EMX1: variants seen among roughly 807,000 people sequenced by gnomAD.
EMX1 encodes the protein homeobox protein EMX1.
In EMX1, 10 loss-of-function variants were observed where a neutral mutation model predicts 20.1. The ratio of observed to expected loss-of-function variants is 0.50; its 90% CI spans 0.31 to 0.84. The LOEUF (loss-of-function observed/expected upper bound fraction) is 0.84, where lower values mean the gene tolerates loss of function less well. Among genes scored for constraint, EMX1 ranks in the 40% least tolerant of loss-of-function variants. The pLI, the probability that EMX1 is intolerant of heterozygous loss-of-function variation, is 0.05. For missense variants in EMX1, 424 were observed against 431.9 expected (o/e 0.98, Z 0.16); for synonymous variants, 250 against 200.4 (o/e 1.25, Z -2.09).
At chr2:72,929,717 A>T (rs1017880741) in intron 2 of EMX1, among the ~76,000 whole-genome samples, 13 of 152,268 alleles carry the variant, frequency 8.5e-5, no homozygotes, top group Non-Finnish European at 1.3e-4. Flanking sequence ...ATAGCAGATT[A>T]TTCCAAAGTA....
intron 2 of EMX1, chr2:72,926,279 C>T (rs1048762830): frequency 2.0e-6 from 2 of 985,272 alleles, no homozygotes; most frequent in Non-Finnish European, 2.4e-6. Flanking sequence ...TTGCTCCTAA[C>T]AATGCCAGTT....
At chr2:72,924,183 C>G in intron 1 of EMX1, 126 bp from the exon 2 acceptor site, 1 of 1,200,806 alleles carries the variant, frequency 8.3e-7, no homozygotes, top group Non-Finnish European at 1.2e-6. Context: ...GTGTGCGTGT[C>G]AAGGAATGGA....
At position 72,933,992 on chromosome 2, in the gene EMX1, T is replaced by G; in HGVS notation, c.*38T>G. Reference sequence around the variant, plus strand: ...CAAACCCACGAGGGCAGAGTGCTGCTTGCTGCTGGCCAGGCCCCTGCGTGG... The same window carrying G: ...CAAACCCACGAGGGCAGAGTGCTGCGTGCTGCTGGCCAGGCCCCTGCGTGG... On this transcript the variant is annotated 3_prime_UTR_variant, in exon 3 of 3. Transcript: ENST00000258106. 1 of 1,612,660 alleles carries G rather than the reference T, an allele frequency of 6.2e-7. No homozygotes were observed.
intron 2 of EMX1, among the ~76,000 whole-genome samples, chr2:72,924,990 A>G (rs930144468): frequency 6.6e-6 from 1 of 152,256 alleles, no homozygotes; most frequent in African/African-American, 2.4e-5. Flanking sequence ...CCCACCAGCC[A>G]GGAGCGTCTG....
chr2:72,917,229 AG>A (rs1452900315), upstream of EMX1, among the ~76,000 whole-genome samples: 1 of 152,094 alleles, frequency 6.6e-6, no homozygotes, highest in East Asian at 1.9e-4. Flanking sequence ...CACACCGGGG[AG>A]GGGAGGGTTG....
chr2:72,929,970 A>T (rs1441849797), intron 2 of EMX1, among the ~76,000 whole-genome samples: 1 of 152,154 alleles, frequency 6.6e-6, no homozygotes. Flanking sequence ...AAAGTGGCCA[A>T]TCCAATTTAC....
rs1029375490 is a variant in EMX1 at position 72,918,017 on chromosome 2, CGGCGGGGGCACT to C, written c.171_182del (p.Thr59_Gly62del). 2.6e-5 allele frequency: 38 copies of C among 1,435,102 alleles called. No individual in the cohort carries two copies. The highest frequency in any genetic ancestry group is 4.8e-4 in the Middle Eastern group (2 of 4,198). The allele number at this position is 1,435,102 out of a possible 1,614,324, so 88.9% of individuals were successfully genotyped here. A position where few individuals can be genotyped will look rare whatever the true frequency, so the allele number is the denominator to read the frequency against. On this transcript the variant is annotated inframe_deletion, in exon 1 of 3. Transcript: ENST00000258106. ...CCTTGGTGGCCAAGGACGGCGGCAC[CGGCGGGGGCACT>C]GGCGGCGGGGGCGCGGGCTCCCATC... is the stretch of plus-strand genomic sequence containing the variant.
intron 2 of EMX1, among the ~76,000 whole-genome samples, chr2:72,926,568 G>C (rs778757611): frequency 2.6e-5 from 4 of 152,178 alleles, no homozygotes; most frequent in Admixed American, 6.5e-5. Flanking sequence ...TCCCAGGTGG[G>C]CAAACACGAT....
chr2:72,933,578 T>G (rs1207607348), intron 2 of EMX1: 1 of 598,546 alleles, frequency 1.7e-6, no homozygotes, highest in Non-Finnish European at 2.9e-6. Flanking sequence ...TCTGGCCCAC[T>G]GTGTCCTCTT....
intron 2 of EMX1, chr2:72,925,484 T>C: frequency 7.8e-7 from 1 of 1,289,086 alleles, no homozygotes; most frequent in Non-Finnish European, 1.0e-6. Context: ...GCCTAGCTGC[T>C]GCCCTGGAGG....
chr2:72,931,098 A>AG (rs1671272290), intron 2 of EMX1, among the ~76,000 whole-genome samples: 8 of 151,958 alleles, frequency 5.3e-5, no homozygotes, highest in Admixed American at 5.2e-4. Context: ...GCACAGGGAG[A>AG]GGGTTTATGT....
At chr2:72,916,724 G>C (rs1237482151), upstream of EMX1, 1 of 717,418 alleles carries the variant, frequency 1.4e-6, no homozygotes, top group South Asian at 1.5e-5. Context: ...TTAAGCCACA[G>C]TGTCTCCGAG....
rs1671327753 is a variant in EMX1 at position 72,934,099 on chromosome 2, G to T, written c.*145G>T. On this transcript the variant is annotated 3_prime_UTR_variant, in exon 3 of 3. Transcript: ENST00000258106. The stretch of plus-strand genomic sequence containing the variant: ...GGCCCCACAGGGCTTGAAGCCCGGG[G>T]CCGCCATTGACAGAGGGACAAGCAA... The T allele has an allele frequency of 8.5e-7, 1 of 1,179,644 alleles. No individual in the cohort carries two copies. Among genetic ancestry groups the T allele is most frequent in the East Asian group, 2.6e-5 (1 of 38,570 alleles). 73.1% of individuals were successfully genotyped at this position (1,179,644 alleles called of 1,614,324 possible). A position where few individuals can be genotyped will look rare whatever the true frequency, so the allele number is the denominator to read the frequency against.
Position 72,917,911 on chromosome 2 carries a change from C to G in EMX1, c.59C>G (p.Pro20Arg). The stretch of plus-strand genomic sequence containing the variant: ...GCGGCGCCAGGACGCGGAGCGCTCC[C>G]CAGAGCCCGGCTGCCTCGCACAGCT... Reference protein sequence around the residue: ...KAAAPGRGALPRARLPRTAPA... With the variant: ...KAAAPGRGALRRARLPRTAPA... Residue 20 changes from proline to arginine, a missense_variant, in exon 1 of 3, where the codon CCC becomes CGC. Physicochemically the swap from Pro to Arg is moderately radical, Grantham distance 103. Around this residue, in one of 2 missense-constraint regions of EMX1, gnomAD observed 333 missense variants for 296.6 expected, o/e 1.12. Coordinates refer to ENST00000258106, the MANE Select transcript of EMX1 (RefSeq NM_004097.3). The G allele has an allele frequency of 2.7e-6, 4 of 1,483,860 alleles. No individual in the cohort carries two copies. Among genetic ancestry groups the G allele is most frequent in the Non-Finnish European group, 3.6e-6 (4 of 1,124,856 alleles). 91.9% of individuals were successfully genotyped at this position (1,483,860 alleles called of 1,614,324 possible). A position where few individuals can be genotyped will look rare whatever the true frequency, so the allele number is the denominator to read the frequency against.
At chr2:72,927,273 G>A (rs1348212114) in intron 2 of EMX1, among the ~76,000 whole-genome samples, 3 of 152,206 alleles carry the variant, frequency 2.0e-5, no homozygotes, top group African/African-American at 7.2e-5. Context: ...TTTCGCAACT[G>A]ACAAACAGTA....
At chr2:72,918,653 G>A in intron 1 of EMX1, among the ~76,000 whole-genome samples, 1 of 152,206 alleles carries the variant, frequency 6.6e-6, no homozygotes, top group Non-Finnish European at 1.5e-5. Flanking sequence ...GCCTGTGCTG[G>A]CCCTCGCCAC....
Position 72,917,637 on chromosome 2 carries a change from C to T in EMX1, c.-216C>T, listed in dbSNP as rs1022985457. ...AGGGAGACGAGCTCAACCCTCGGGC[C>T]TTACTGGCAGCTCGCAGCCTAGCAC... On this transcript the variant is annotated 5_prime_UTR_variant, in exon 1 of 3. Coordinates refer to ENST00000258106, the MANE Select transcript of EMX1 (RefSeq NM_004097.3). 1 of 262,384 alleles carries T rather than the reference C, an allele frequency of 3.8e-6. No homozygotes were observed. Among genetic ancestry groups the T allele is most frequent in the Admixed American group, 5.5e-5 (1 of 18,196 alleles). 16.3% of individuals were successfully genotyped at this position (262,384 alleles called of 1,614,324 possible).
At chr2:72,925,589 C>G (rs1345746153) in intron 2 of EMX1, 1 of 1,280,448 alleles carries the variant, frequency 7.8e-7, no homozygotes, top group African/African-American at 1.5e-5. Flanking sequence ...TTTCACCTTC[C>G]GCTCCCCTTT....
In EMX1 at chr2:72,934,255, TC is replaced by T; in HGVS notation, c.*302del. The T allele has an allele frequency of 2.7e-6, 1 of 373,428 alleles. No homozygotes were observed. The highest frequency in any genetic ancestry group is 4.9e-6 in the Non-Finnish European group (1 of 205,810). The allele number at this position is 373,428 out of a possible 1,614,324, so 23.1% of individuals were successfully genotyped here. Reference sequence around the variant, plus strand: ...AATCTCCCTTTTGTTTTGATGCATTTCTGTTTTAATTTATTTTCCAGGCACC... The same window carrying T: ...AATCTCCCTTTTGTTTTGATGCATTTTGTTTTAATTTATTTTCCAGGCACC... On this transcript the variant is annotated 3_prime_UTR_variant, in exon 3 of 3. Transcript: ENST00000258106.
Sources: allele counts gnomAD v4.1 joint callset (sites outside exome capture counted in the v4.1 genomes callset), GRCh38; gene constraint gnomAD v4.1.1; regional missense constraint gnomAD v4.1.1; transcripts MANE v1.5; gene names NCBI Gene and HGNC (gene_info 2026-07-23, HGNC 2026-07-21).